COL4A3: variants seen among roughly 807,000 people sequenced by gnomAD.
COL4A3 encodes the protein collagen alpha-3(IV) chain.
A neutral mutation model predicts 217.4 loss-of-function variants in COL4A3; 135 were observed. That is an observed-to-expected ratio of 0.62 (90% CI 0.54 to 0.72). COL4A3 has a LOEUF of 0.72. Ranked by LOEUF, COL4A3 falls within the 30% of genes least tolerant of loss-of-function variation. The pLI, the probability that COL4A3 is intolerant of heterozygous loss-of-function variation, is 0.00. For missense variants in COL4A3, 1,868 were observed against 2,119.9 expected (o/e 0.88, Z 2.33); for synonymous variants, 690 against 736.3 (o/e 0.94, Z 1.02).
At chr2:227,233,103 T>G (rs1378713521) in intron 1 of COL4A3, among the ~76,000 whole-genome samples, 1 of 152,138 alleles carries the variant, frequency 6.6e-6, no homozygotes, top group African/African-American at 2.4e-5. Context: ...AACCTCAGCC[T>G]CCTGGGTTCA....
In COL4A3 at chr2:227,290,826, G is replaced by A. The variant is rs1032938979; in HGVS notation, c.3150G>A (p.Gln1050=). The part of the protein sequence containing the change: ...RPGLPGIHGL[Q]GDKGEPGYSE... The stretch of plus-strand genomic sequence containing the variant: ...GCCTCCCAGGTATTCATGGTCTCCA[G>A]GGAGATAAGGGAGAGCCAGGTTATT... Residue 1050 remains glutamine, a synonymous_variant, in exon 37 of 52, where the codon CAG becomes CAA. Transcript: ENST00000396578. 1.9e-6 allele frequency: 3 copies of A among 1,613,690 alleles called. No homozygotes were observed. In the African/African-American group the frequency reaches 4.0e-5, roughly 22 times the overall value.
intron 1 of COL4A3, among the ~76,000 whole-genome samples, chr2:227,199,809 T>C (rs2066614763): frequency 6.6e-6 from 1 of 151,402 alleles, no homozygotes; most frequent in South Asian, 2.1e-4. Context: ...ACATGCATAG[T>C]TCTTGTGCAT....
chr2:227,223,094 TC>T lies in COL4A3; in HGVS notation c.88-14872del, dbSNP rs1367068058. ...AAAAGTTCTGGGGATGAATCTTAGT[TC>T]CTTTTTAATACTTGATATGCTAAGG... On this transcript the variant is annotated intron_variant, in intron 1 of 51. Transcript: ENST00000396578. 3.9e-5 allele frequency among the ~76,000 whole-genome samples: 6 copies of T among 152,314 alleles called. No individual in the cohort carries two copies. The East Asian group carries it at 9.6e-4, about 24-fold the overall frequency.
Position 227,270,768 on chromosome 2 carries a change from AG to A in COL4A3, c.1577del. 1 of 1,613,568 alleles carries A rather than the reference AG, an allele frequency of 6.2e-7. No individual in the cohort carries two copies. The highest frequency in any genetic ancestry group is 8.5e-7 in the Non-Finnish European group (1 of 1,179,536). ...TACAGATTCATTTGTGTACTACCCT[AG>A]GGTTTCCCAGGTGCCCAGGGTGACC... On this transcript the variant is annotated splice_acceptor_variant, in intron 24 of 51. Coordinates refer to ENST00000396578, the MANE Select transcript of COL4A3 (RefSeq NM_000091.5). LOFTEE classifies it high-confidence loss of function.
rs1462093775 is a variant in COL4A3, at chr2:227,185,047, G to A, written c.87+20234G>A. ...CTCCCGAATAGCTGGGACTACAGGC[G>A]CCCGCCACACGCCCAGCTAATTTTT... On this transcript the variant is annotated intron_variant, in intron 1 of 51. Transcript: ENST00000396578. 5.9e-5 allele frequency among the ~76,000 whole-genome samples: 9 copies of A among 151,788 alleles called. No homozygotes were observed. The South Asian group carries it at 6.3e-4, about 11-fold the overall frequency.
chr2:227,175,028 TTAACATTTGG>T (rs1179665537), intron 1 of COL4A3, among the ~76,000 whole-genome samples: 1 of 152,100 alleles, frequency 6.6e-6, no homozygotes, highest in Non-Finnish European at 1.5e-5. Flanking sequence ...AGGAGACTTT[TTAACATTTGG>T]TAGAGGTGGT....
At chr2:227,178,051 A>G (rs923024393) in intron 1 of COL4A3, among the ~76,000 whole-genome samples, 6 of 152,194 alleles carry the variant, frequency 3.9e-5, no homozygotes, top group Non-Finnish European at 7.3e-5. Context: ...GTAAGAACAA[A>G]TCTTCTATTC....
chr2:227,230,244 GA>G (rs1033384007), intron 1 of COL4A3, among the ~76,000 whole-genome samples: 8 of 152,192 alleles, frequency 5.3e-5, no homozygotes, highest in African/African-American at 1.9e-4. Context: ...CCGTAAAACA[GA>G]AATGCAACTG....
At chr2:227,236,560 G>A (rs2068712094) in intron 1 of COL4A3, among the ~76,000 whole-genome samples, 1 of 152,014 alleles carries the variant, frequency 6.6e-6, no homozygotes, top group Non-Finnish European at 1.5e-5. Context: ...ATATTTTCTG[G>A]AGAAAGCAAA....
rs1168114749 is a variant in COL4A3, at chr2:227,280,492, G to C, written c.2276G>C (p.Gly759Ala). 2 of 1,614,008 alleles carry C rather than the reference G, an allele frequency of 1.2e-6. No individual in the cohort carries two copies. The highest frequency in any genetic ancestry group is 1.7e-6 in the Non-Finnish European group (2 of 1,180,024). ...GGACCAGGAACACCAGGTTTTCCAG[G>C]AGAAAGAGGCAATTCTGGGGAACAT... is the stretch of plus-strand genomic sequence containing the variant. ...PGGPGTPGFPGERGNSGEHGE... is the reference protein window; with the variant it reads ...PGGPGTPGFPAERGNSGEHGE... Residue 759 changes from glycine to alanine, a missense_variant, in exon 30 of 52, where the codon GGA becomes GCA. By Grantham distance (60) the Gly-to-Ala change is moderately conservative. Transcript: ENST00000396578.
rs372331340 is a variant in COL4A3 at position 227,285,305 on chromosome 2, T to A, written c.2881+960T>A. On this transcript the variant is annotated intron_variant, in intron 34 of 51. Transcript: ENST00000396578. Reference sequence around the variant, plus strand: ...AAAAAAAAAAAAAAAAAAAAAAAAATTTGCACAGGGTGCTGTAGACTACAA... The same window carrying A: ...AAAAAAAAAAAAAAAAAAAAAAAAAATTGCACAGGGTGCTGTAGACTACAA... 8.6e-3 allele frequency among the ~76,000 whole-genome samples: 325 copies of A among 37,864 alleles called. 1 individual carries two copies. Among genetic ancestry groups the A allele is most frequent in the African/African-American group, 0.018 (247 of 13,534 alleles). The allele number at this position is 37,864 out of a possible 152,430, so 24.8% of individuals were successfully genotyped here.
chr2:227,301,775 G>A (rs760872303), intron 43 of COL4A3: 4 of 152,190 alleles, frequency 2.6e-5, no homozygotes, highest in Non-Finnish European at 5.9e-5. Flanking sequence ...CTGGCAACAT[G>A]CCCTTTTTCA....
In COL4A3 at chr2:227,257,287, C is replaced by A. The variant is rs1051353298; in HGVS notation, c.988-316C>A. Among the ~76,000 whole-genome samples the A allele has an allele frequency of 4.6e-5, 7 of 152,182 alleles. No homozygotes were observed. The South Asian group carries it at 1.5e-3, about 32-fold the overall frequency. ...TGCATACACCCCACAGACTGATATT[C>A]CTGTGCCTCTGACCTGGGTGAGAAC... On this transcript the variant is annotated intron_variant, in intron 17 of 51. Coordinates refer to ENST00000396578, the MANE Select transcript of COL4A3 (RefSeq NM_000091.5).
chr2:227,298,758 T>C lies in COL4A3; in HGVS notation c.3828T>C (p.Pro1276=). 1.2e-6 allele frequency: 2 copies of C among 1,614,094 alleles called. No homozygotes were observed. The highest frequency in any genetic ancestry group is 1.7e-6 in the Non-Finnish European group (2 of 1,179,986). ...IKGDKGSMGH[P]GPKGPPGTAG... ...GAGACAAAGGGTCTATGGGCCACCC[T>C]GGCCCAAAAGGTCCACCTGGAACTG... The change falls in exon 43 of 52, where the codon CCT becomes CCC. Residue 1276 remains proline (P), a synonymous_variant. Coordinates refer to ENST00000396578, the MANE Select transcript of COL4A3 (RefSeq NM_000091.5).
chr2:227,273,101 A>T lies in COL4A3; in HGVS notation c.1911A>T (p.Gly637=), dbSNP rs1238168545. 6.2e-7 allele frequency: 1 copy of T among 1,613,722 alleles called. No homozygotes were observed. Among genetic ancestry groups the T allele is most frequent in the South Asian group, 1.1e-5 (1 of 91,064 alleles). ...CGCAAGGAGTTCCTGGAGCCCCCGG[A>T]CCACCCGGAGAAGCCGGTTGGTTAG... is the stretch of plus-strand genomic sequence containing the variant. ...QGTQGVPGAP[G]PPGEAGPRGE... Residue 637 remains glycine, a synonymous_variant, in exon 26 of 52, where the codon GGA becomes GGT. Transcript: ENST00000396578.
At chr2:227,285,567 G>T (rs999777592) in intron 34 of COL4A3, among the ~76,000 whole-genome samples, 1 of 151,928 alleles carries the variant, frequency 6.6e-6, no homozygotes, top group African/African-American at 2.4e-5. Context: ...TAAACTGTCT[G>T]CATAGACACC....
In COL4A3 at chr2:227,254,722, T is replaced by C; in HGVS notation, c.888+7T>C. On this transcript the variant is annotated splice_region_variant and intron_variant, in intron 15 of 51. Transcript: ENST00000396578. ...TGGAGACCCTGGCCTGCAGGTAAAT[T>C]TGGAAATTCGGTGTCATGTGCAGTT... The C allele has an allele frequency of 6.2e-7, 1 of 1,610,312 alleles. No homozygotes were observed.
chr2:227,279,954 T>A (rs1378487034), intron 29 of COL4A3, 64 bp downstream of exon 29: 2 of 1,011,102 alleles, frequency 2.0e-6, no homozygotes, highest in Non-Finnish European at 3.1e-6. Context: ...CCAGTTTGTA[T>A]GCACTTATCT....
At chr2:227,261,945 G>A (rs1179590576) in intron 20 of COL4A3, among the ~76,000 whole-genome samples, 1 of 152,150 alleles carries the variant, frequency 6.6e-6, no homozygotes, top group African/African-American at 2.4e-5. Context: ...ACTGTAGTGT[G>A]TTCTTTTTAA....
Sources: allele counts gnomAD v4.1 joint callset (sites outside exome capture counted in the v4.1 genomes callset), GRCh38; gene constraint gnomAD v4.1.1; transcripts MANE v1.5; gene names NCBI Gene and HGNC (gene_info 2026-07-23, HGNC 2026-07-21).